Variants in NOTCH2NLR observed in about 807,000 individuals in gnomAD.
The protein encoded by NOTCH2NLR is notch 2 N-terminal like R (pseudogene).
NOTCH2NLR carries 33 observed loss-of-function variants against 35.6 expected under a neutral mutation model. The observed-to-expected ratio is 0.93, with a 90% CI of 0.70 to 1.24. The LOEUF (loss-of-function observed/expected upper bound fraction) is 1.24. Among genes scored for constraint, NOTCH2NLR ranks in the 50% most tolerant of loss-of-function variants. The pLI is 0.00. For missense variants in NOTCH2NLR, 276 were observed against 362.2 expected, an observed-to-expected ratio of 0.76 and a Z score of 1.93; for synonymous variants, 103 against 141.0, an observed-to-expected ratio of 0.73 and a Z score of 1.91.
Position 120,783,856 on chromosome 1 carries a change from C to T in NOTCH2NLR, c.156-1118C>T, listed in dbSNP as rs1303190762. On this transcript the variant is annotated intron_variant, in intron 2 of 4. Transcript: ENST00000624419. ...AGAAGCCAAGGTAAAATGATTAAAA[C>T]GGTACATGGAGTGGTTAGCAATTCT... is the stretch of plus-strand genomic sequence containing the variant. Among the ~76,000 whole-genome samples the T allele has an allele frequency of 1.9e-4, 21 of 107,946 alleles. 2 individuals carry two copies. The highest frequency in any genetic ancestry group is 2.3e-4 in the East Asian group (1 of 4,392). 70.8% of individuals were successfully genotyped at this position (107,946 alleles called of 152,430 possible). A position where few individuals can be genotyped will look rare whatever the true frequency, so the allele number is the denominator to read the frequency against.
chr1:120,778,303 T>TG (rs1651321810), intron 2 of NOTCH2NLR, among the ~76,000 whole-genome samples: 1 of 67,454 alleles, frequency 1.5e-5, no homozygotes, highest in Non-Finnish European at 2.5e-5. Context: ...CACTGCGGAT[T>TG]GGGGGGCCAA....
chr1:120,724,376 C>T lies in NOTCH2NLR; in HGVS notation c.73+126C>T, dbSNP rs1267117952. The T allele has an allele frequency of 7.4e-6, 10 of 1,348,028 alleles. 3 individuals are homozygous for T. The highest frequency in any genetic ancestry group is 9.7e-6 in the Non-Finnish European group (10 of 1,033,574). The allele number at this position is 1,348,028 out of a possible 1,614,324, so 83.5% of individuals were successfully genotyped here. A position where few individuals can be genotyped will look rare whatever the true frequency, so the allele number is the denominator to read the frequency against. ...CGGCCGCCGGCGCGGAGTGAGGCCA[C>T]TCGCTGGGTTCCCAAGAGTTTGGAC... On this transcript the variant is annotated intron_variant, in intron 1 of 4. Transcript: ENST00000624419.
At position 120,734,410 on chromosome 1, in the gene NOTCH2NLR, T is replaced by C. The variant is rs1417781866; in HGVS notation, c.73+10160T>C. On this transcript the variant is annotated intron_variant, in intron 1 of 4. Coordinates refer to ENST00000624419, the Ensembl canonical transcript of NOTCH2NLR. ...TTTGAAGGATTACAATATTTTCTTT[T>C]TTTTTTTTTTAATGGTGTAGTTCAG... 6.5e-5 allele frequency among the ~76,000 whole-genome samples: 6 copies of C among 92,584 alleles called. 1 individual carries two copies. The highest frequency in any genetic ancestry group is 1.2e-4 in the Non-Finnish European group (6 of 48,888). The allele number at this position is 92,584 out of a possible 152,430, so 60.7% of individuals were successfully genotyped here.
At position 120,724,156 on chromosome 1, in the gene NOTCH2NLR, G is replaced by A. The variant is rs2101331337; in HGVS notation, c.-22G>A. 3 of 1,377,884 alleles carry A rather than the reference G, an allele frequency of 2.2e-6. 1 individual carries two copies. Among genetic ancestry groups the A allele is most frequent in the East Asian group, 2.5e-5 (1 of 39,366 alleles). The allele number at this position is 1,377,884 out of a possible 1,614,324, so 85.4% of individuals were successfully genotyped here. ...CGGCGGCGGCGGCGGCGGCGGAGGA[G>A]GAGGAGGAGGCGACCGAGAAGATGC... On this transcript the variant is annotated 5_prime_UTR_variant, in exon 1 of 5. Transcript: ENST00000624419.
rs1425407716 is a variant in NOTCH2NLR, at chr1:120,793,157, T to G, written c.416-4T>G. 6.1e-5 allele frequency: 84 copies of G among 1,378,244 alleles called. 17 individuals are homozygous for G. The East Asian group carries it at 1.9e-3, about 31-fold the overall frequency. 85.4% of individuals were successfully genotyped at this position (1,378,244 alleles called of 1,614,324 possible). Reference sequence around the variant, plus strand: ...AGTACTGAGTTTTGTTATCCTTCCTTTAGGTAAGGAGTGCCAATGGACCGA... The same window carrying G: ...AGTACTGAGTTTTGTTATCCTTCCTGTAGGTAAGGAGTGCCAATGGACCGA... On this transcript the variant is annotated splice_polypyrimidine_tract_variant and splice_region_variant and intron_variant, in intron 3 of 4. Coordinates refer to ENST00000624419, the Ensembl canonical transcript of NOTCH2NLR.
At chr1:120,777,677 G>A (rs1157014994) in intron 2 of NOTCH2NLR, among the ~76,000 whole-genome samples, 1 of 67,130 alleles carries the variant, frequency 1.5e-5, no homozygotes, top group East Asian at 3.6e-4. Flanking sequence ...TTTGAGAGAA[G>A]GGGGGGTTGA....
At position 120,790,626 on chromosome 1, in the gene NOTCH2NLR, T is replaced by G. The variant is rs1186256248; in HGVS notation, c.416-2535T>G. The stretch of plus-strand genomic sequence containing the variant: ...TCTCTTTCCCTCTCTCTTTCTGTCT[T>G]TCTTTCTTCTCACTCTGTTGCTTAG... On this transcript the variant is annotated intron_variant, in intron 3 of 4. Transcript: ENST00000624419. 8.4e-5 allele frequency among the ~76,000 whole-genome samples: 9 copies of G among 107,418 alleles called. 1 individual carries two copies. The East Asian group carries it at 1.1e-3, about 13-fold the overall frequency. 70.5% of individuals were successfully genotyped at this position (107,418 alleles called of 152,430 possible). A position where few individuals can be genotyped will look rare whatever the true frequency, so the allele number is the denominator to read the frequency against.
intron 1 of NOTCH2NLR, among the ~76,000 whole-genome samples, chr1:120,752,816 C>CTG: frequency 3.3e-5 from 1 of 30,750 alleles, no homozygotes; most frequent in Admixed American, 3.8e-4. Flanking sequence ...CCTCGTGATC[C>CTG]GCCCACCTCG....
rs1651316904 is a variant in NOTCH2NLR, at chr1:120,777,964, C to G, written c.156-7010C>G. On this transcript the variant is annotated intron_variant, in intron 2 of 4. Coordinates refer to ENST00000624419, the Ensembl canonical transcript of NOTCH2NLR. ...CCAGCCTAGAAGTTTAGACTTGATT[C>G]TATAGGCTCTGGGGTACCTACAAGT... Among the ~76,000 whole-genome samples the G allele has an allele frequency of 2.3e-5, 2 of 85,164 alleles. 1 individual carries two copies. Among genetic ancestry groups the G allele is most frequent in the Non-Finnish European group, 4.1e-5 (2 of 48,820 alleles). The allele number at this position is 85,164 out of a possible 152,430, so 55.9% of individuals were successfully genotyped here.
At chr1:120,726,764 G>T in intron 1 of NOTCH2NLR, among the ~76,000 whole-genome samples, 1 of 110,898 alleles carries the variant, frequency 9.0e-6, no homozygotes. Flanking sequence ...TTTTTGGTGT[G>T]GTGGAGAGGA....
chr1:120,759,695 CT>C (rs1651112911), intron 1 of NOTCH2NLR, among the ~76,000 whole-genome samples: 1 of 110,400 alleles, frequency 9.1e-6, no homozygotes, highest in South Asian at 2.5e-4. Flanking sequence ...GATTATTTTT[CT>C]TTTTTTAAAA....
chr1:120,727,417 C>A lies in NOTCH2NLR; in HGVS notation c.73+3167C>A, dbSNP rs1183912983. 2.3e-3 allele frequency among the ~76,000 whole-genome samples: 265 copies of A among 116,618 alleles called. 62 individuals are homozygous for A. The highest frequency in any genetic ancestry group is 3.7e-3 in the Non-Finnish European group (227 of 60,978). 76.5% of individuals were successfully genotyped at this position (116,618 alleles called of 152,430 possible). ...GACTCAAGAATTTTAAAATTGCTAA[C>A]ATAAGAGATATAGAATATAATGTCA... On this transcript the variant is annotated intron_variant, in intron 1 of 4. Coordinates refer to ENST00000624419, the Ensembl canonical transcript of NOTCH2NLR.
At chr1:120,794,209 A>T, downstream of NOTCH2NLR, among the ~76,000 whole-genome samples, 3 of 116,084 alleles carry the variant, frequency 2.6e-5, 1 homozygote, top group Non-Finnish European at 3.3e-5. Context: ...TGCACACACA[A>T]CCCAAAGATA....
At position 120,724,192 on chromosome 1, in the gene NOTCH2NLR, T is replaced by C. The variant is rs1380684884; in HGVS notation, c.15T>C (p.Arg5=). The C allele has an allele frequency of 3.4e-4, 482 of 1,397,606 alleles. 104 individuals are homozygous for C. Among genetic ancestry groups the C allele is most frequent in the South Asian group, 1.7e-3 (132 of 78,418 alleles). 86.6% of individuals were successfully genotyped at this position (1,397,606 alleles called of 1,614,324 possible). The change falls in exon 1 of 5, where the codon CGT becomes CGC. Residue 5 remains arginine (R), a synonymous_variant. Coordinates refer to ENST00000624419, the Ensembl canonical transcript of NOTCH2NLR. The stretch of plus-strand genomic sequence containing the variant: ...CGACCGAGAAGATGCCCGCCCTGCG[T>C]CCCGCTCTGCTGTGGGCGCTGCTGG...
intron 1 of NOTCH2NLR, among the ~76,000 whole-genome samples, chr1:120,756,066 G>T (rs1299829996): frequency 8.8e-6 from 1 of 113,208 alleles, no homozygotes; most frequent in Non-Finnish European, 1.7e-5. Context: ...TGTTTGTTTG[G>T]ATTTTTTTTT....
chr1:120,785,080 G>C, exon 3 of NOTCH2NLR: 1 of 1,446,216 alleles, frequency 6.9e-7, no homozygotes, highest in Middle Eastern at 1.8e-4. Flanking sequence ...GCTGGGGAAA[G>C]CCACGTGCCG....
rs1439752939 is a variant in NOTCH2NLR, at chr1:120,767,505, ACT to A, written c.155+3797_155+3798del. Among the ~76,000 whole-genome samples the A allele has an allele frequency of 2.9e-5, 2 of 68,142 alleles. 1 individual carries two copies. The highest frequency in any genetic ancestry group is 6.0e-4 in the East Asian group (2 of 3,340). 44.7% of individuals were successfully genotyped at this position (68,142 alleles called of 152,430 possible). A position where few individuals can be genotyped will look rare whatever the true frequency, so the allele number is the denominator to read the frequency against. ...GTACTCAGCTCCACTGTTTTTTCTC[ACT>A]GTTAGGAGCCTAAGTACCCTATCAG... On this transcript the variant is annotated intron_variant, in intron 2 of 4. Coordinates refer to ENST00000624419, the Ensembl canonical transcript of NOTCH2NLR.
chr1:120,768,691 C>T (rs1321575403), intron 2 of NOTCH2NLR, among the ~76,000 whole-genome samples: 1 of 97,262 alleles, frequency 1.0e-5, no homozygotes, highest in East Asian at 2.4e-4. Context: ...CTAGTTTATG[C>T]CTGCTTTCAG....
At chr1:120,794,458 G>A (rs1651534988), downstream of NOTCH2NLR, among the ~76,000 whole-genome samples, 1 of 115,758 alleles carries the variant, frequency 8.6e-6, no homozygotes, top group Admixed American at 8.4e-5. Flanking sequence ...AAAACTGTAG[G>A]AGGGAGTAAT....
Sources: allele counts gnomAD v4.1 joint callset (sites outside exome capture counted in the v4.1 genomes callset), GRCh38; gene constraint gnomAD v4.1.1; transcripts MANE v1.5; gene names NCBI Gene and HGNC (gene_info 2026-07-23, HGNC 2026-07-21).